Variants in CNTNAP4 observed in about 807,000 individuals in gnomAD.
The protein encoded by CNTNAP4 is contactin associated protein family member 4, also known as contactin-associated protein-like 4.
In CNTNAP4, 98 loss-of-function variants were observed where a neutral mutation model predicts 148.4. The ratio of observed to expected loss-of-function variants is 0.66; its 90% CI spans 0.56 to 0.78. The LOEUF (loss-of-function observed/expected upper bound fraction) is 0.78. Ranked by LOEUF, CNTNAP4 falls within the 30% of genes least tolerant of loss-of-function variation. The pLI is 0.00. For synonymous variants in CNTNAP4, 730 were observed against 565.1 expected (o/e 1.29, Z -4.14); for missense variants, 1,935 against 1,565.6 (o/e 1.24, Z -3.98).
chr16:76,310,480 A>C (rs1052892680), intron 1 of CNTNAP4, among the ~76,000 whole-genome samples: 4 of 152,206 alleles, frequency 2.6e-5, no homozygotes, highest in Non-Finnish European at 4.4e-5. Context: ...AGGGAAGGCC[A>C]TTCCTTAATC....
At position 76,495,080 on chromosome 16, in the gene CNTNAP4, G is replaced by C. The variant is rs553551728; in HGVS notation, c.2237+14G>C. On this transcript the variant is annotated intron_variant, in intron 14 of 23. Transcript: ENST00000611870. The stretch of plus-strand genomic sequence containing the variant: ...CCGGAATGAATGGTGATTTCCATAT[G>C]ATTTCTTTATGCAAGAAAAAGTTCA... 6.2e-7 allele frequency: 1 copy of C among 1,610,760 alleles called. No homozygotes were observed. The highest frequency in any genetic ancestry group is 2.2e-5 in the East Asian group (1 of 44,786).
At position 76,512,440 on chromosome 16, in the gene CNTNAP4, C is replaced by A. The variant is rs1031745145; in HGVS notation, c.2366-8700C>A. Among the ~76,000 whole-genome samples the A allele has an allele frequency of 4.6e-5, 7 of 152,128 alleles. No homozygotes were observed. The East Asian group carries it at 1.2e-3, about 25-fold the overall frequency. On this transcript the variant is annotated intron_variant, in intron 15 of 23. Coordinates refer to ENST00000611870, the MANE Select transcript of CNTNAP4 (RefSeq NM_033401.5). ...GTTGAAAGGAAAACCAGTAAAATTTCCTGATGAATTGTTGTAGTTTGCAAA... is the reference window on the plus strand; with the variant it reads ...GTTGAAAGGAAAACCAGTAAAATTTACTGATGAATTGTTGTAGTTTGCAAA...
chr16:76,449,470 A>G (rs1017311285), intron 6 of CNTNAP4, among the ~76,000 whole-genome samples: 7 of 152,302 alleles, frequency 4.6e-5, no homozygotes, highest in South Asian at 4.1e-4. Flanking sequence ...ATAAAGATGT[A>G]TTTTTCATCG....
At chr16:76,318,603 T>G (rs1962060960) in intron 2 of CNTNAP4, among the ~76,000 whole-genome samples, 1 of 151,686 alleles carries the variant, frequency 6.6e-6, no homozygotes, top group Admixed American at 6.6e-5. Flanking sequence ...ACATGAAGTT[T>G]TCACAAAGGA....
At chr16:76,420,851 T>G (rs1298108389) in intron 3 of CNTNAP4, among the ~76,000 whole-genome samples, 1 of 152,040 alleles carries the variant, frequency 6.6e-6, no homozygotes, top group East Asian at 1.9e-4. Flanking sequence ...TCAACTTTTT[T>G]TTTATTCCAA....
chr16:76,406,775 A>G (rs559687799), intron 3 of CNTNAP4, among the ~76,000 whole-genome samples: 3 of 152,236 alleles, frequency 2.0e-5, no homozygotes, highest in South Asian at 4.1e-4. Flanking sequence ...AGGCTGAGAG[A>G]GGTGAGGAAG....
chr16:76,348,252 G>T (rs1169009066), intron 2 of CNTNAP4, among the ~76,000 whole-genome samples: 1 of 151,692 alleles, frequency 6.6e-6, no homozygotes, highest in Non-Finnish European at 1.5e-5. Flanking sequence ...GGCTGGGAAA[G>T]GATGTGAATA....
At chr16:76,533,492 A>G (rs1233981728) in intron 17 of CNTNAP4, among the ~76,000 whole-genome samples, 1 of 152,204 alleles carries the variant, frequency 6.6e-6, no homozygotes, top group African/African-American at 2.4e-5. Context: ...TGTTCCCAAC[A>G]CTAAAAAATG....
At chr16:76,446,965 T>C (rs1236782206) in intron 4 of CNTNAP4, among the ~76,000 whole-genome samples, 1 of 152,178 alleles carries the variant, frequency 6.6e-6, no homozygotes, top group Non-Finnish European at 1.5e-5. Context: ...ATTTAATGTA[T>C]ATTAATTATA....
intron 1 of CNTNAP4, among the ~76,000 whole-genome samples, chr16:76,301,240 A>G (rs1786963282): frequency 6.6e-6 from 1 of 152,142 alleles, no homozygotes; most frequent in African/African-American, 2.4e-5. Flanking sequence ...TGAAAAACAA[A>G]ATGACAAATG....
chr16:76,551,983 G>C (rs2084969227), intron 21 of CNTNAP4, among the ~76,000 whole-genome samples: 2 of 152,162 alleles, frequency 1.3e-5, no homozygotes, highest in Non-Finnish European at 2.9e-5. Context: ...CTGAGACTGG[G>C]TAATTTATAA....
intron 17 of CNTNAP4, among the ~76,000 whole-genome samples, chr16:76,522,634 C>CTTCT (rs71134764): frequency 0.012 from 878 of 73,096 alleles, 117 homozygotes; most frequent in African/African-American, 0.034. Context: ...TCCTTCCTTC[C>CTTCT]TTCTTTCTTT....
At chr16:76,417,240 C>T (rs2079021931) in intron 3 of CNTNAP4, among the ~76,000 whole-genome samples, 1 of 151,300 alleles carries the variant, frequency 6.6e-6, no homozygotes, top group Admixed American at 6.6e-5. Flanking sequence ...ATGTATCATG[C>T]TTTTAACTGT....
Position 76,558,597 on chromosome 16 carries a change from A to G in CNTNAP4, c.3841A>G (p.Asn1281Asp), listed in dbSNP as rs775237174. The G allele has an allele frequency of 6.2e-7, 1 of 1,613,500 alleles. No homozygotes were observed. Among genetic ancestry groups the G allele is most frequent in the African/African-American group, 1.3e-5 (1 of 75,046 alleles). ...YKRSEAKRSENVDSAEAVLKS... is the reference protein window; with the variant it reads ...YKRSEAKRSEDVDSAEAVLKS... Reference sequence around the variant, plus strand: ...AAGAAGTGAGGCAAAAAGGTCAGAGAATGTAGACAGTGCTGAGGCTGTTCT... The same window carrying G: ...AAGAAGTGAGGCAAAAAGGTCAGAGGATGTAGACAGTGCTGAGGCTGTTCT... The change falls in exon 24 of 24, where the codon AAT (asparagine) becomes GAT (aspartate). Residue 1281 changes from asparagine to aspartate, a missense_variant. Transcript: ENST00000611870.
At chr16:76,474,527 G>C (rs2081493053) in intron 10 of CNTNAP4, among the ~76,000 whole-genome samples, 1 of 152,110 alleles carries the variant, frequency 6.6e-6, no homozygotes, top group African/African-American at 2.4e-5. Context: ...AGCAAAACGG[G>C]AAGTTCTCAT....
At position 76,558,727 on chromosome 16, in the gene CNTNAP4, A is replaced by T; in HGVS notation, c.*44A>T. 1 of 1,456,814 alleles carries T rather than the reference A, an allele frequency of 6.9e-7. No individual in the cohort carries two copies. 90.2% of individuals were successfully genotyped at this position (1,456,814 alleles called of 1,614,324 possible). A position where few individuals can be genotyped will look rare whatever the true frequency, so the allele number is the denominator to read the frequency against. On this transcript the variant is annotated 3_prime_UTR_variant, in exon 24 of 24. Coordinates refer to ENST00000611870, the MANE Select transcript of CNTNAP4 (RefSeq NM_033401.5). ...CATAAAATTATGATAGTTTGTTTTA[A>T]TAGCCAGGGGTTCTCAATGGAAAAA...
chr16:76,445,579 A>G (rs1398175611), intron 4 of CNTNAP4, among the ~76,000 whole-genome samples: 1 of 152,154 alleles, frequency 6.6e-6, no homozygotes, highest in Non-Finnish European at 1.5e-5. Context: ...TAATGGTTTT[A>G]TATGTTTTTC....
intron 23 of CNTNAP4, among the ~76,000 whole-genome samples, chr16:76,556,983 G>C (rs187841578): frequency 6.6e-6 from 1 of 152,042 alleles, no homozygotes; most frequent in African/African-American, 2.4e-5. Flanking sequence ...TGACTTCCTC[G>C]CACTCCGTTA....
intron 21 of CNTNAP4, among the ~76,000 whole-genome samples, chr16:76,542,794 C>G (rs2144311672): frequency 6.6e-6 from 1 of 152,276 alleles, no homozygotes; most frequent in East Asian, 1.9e-4. Context: ...CCCCCAAACT[C>G]TACACTAGTA....
Sources: gnomAD v4.1 joint callset for allele counts (sites outside exome capture counted in the v4.1 genomes callset) on GRCh38, gnomAD v4.1.1 for gene constraint, MANE v1.5 for transcripts, NCBI Gene and HGNC (gene_info 2026-07-23, HGNC 2026-07-21) for gene names.